Variants in SOX5 observed in about 807,000 individuals in gnomAD.
SOX5 encodes SRY-box transcription factor 5.
Under a neutral mutation model 92.0 loss-of-function variants are expected in SOX5, and 9 were observed. The observed-to-expected ratio is 0.10, with a 90% CI of 0.06 to 0.17. SOX5 has a LOEUF of 0.17. SOX5 is among the 10% of genes least tolerant of loss of function. SOX5 has a pLI of 1.00. For synonymous variants in SOX5, 344 were observed against 336.3 expected (o/e 1.02, Z -0.25); for missense variants, 642 against 944.5 (o/e 0.68, Z 4.20).
At chr12:23,735,286 AT>A (rs200399825) in intron 5 of SOX5, among the ~76,000 whole-genome samples, 5 of 151,140 alleles carry the variant, frequency 3.3e-5, no homozygotes, top group South Asian at 2.1e-4. Context: ...TTCTGTTTCC[AT>A]TTTTTTTTAC....
chr12:23,590,429 C>A (rs368724183), intron 9 of SOX5, among the ~76,000 whole-genome samples: 5 of 152,068 alleles, frequency 3.3e-5, no homozygotes, highest in Admixed American at 3.3e-4. Flanking sequence ...TAAAATCCAA[C>A]CTTTTATTCA....
At chr12:24,122,134 C>G (rs1359201050) in intron 4 of SOX5, among the ~76,000 whole-genome samples, 2 of 152,010 alleles carry the variant, frequency 1.3e-5, no homozygotes, top group African/African-American at 4.8e-5. Flanking sequence ...ATTCTTGCAC[C>G]CAGATCAACT....
chr12:24,119,805 C>T (rs1365946236), intron 4 of SOX5, among the ~76,000 whole-genome samples: 1 of 152,076 alleles, frequency 6.6e-6, no homozygotes, highest in East Asian at 1.9e-4. Flanking sequence ...AAAGCATTAC[C>T]AGCACCCCAA....
chr12:24,155,902 C>T (rs962761272), intron 4 of SOX5, among the ~76,000 whole-genome samples: 1 of 152,056 alleles, frequency 6.6e-6, no homozygotes, highest in African/African-American at 2.4e-5. Context: ...CAGGAGGTGA[C>T]AGTAGATATA....
intron 4 of SOX5, among the ~76,000 whole-genome samples, chr12:23,977,807 T>C (rs1305288007): frequency 6.6e-6 from 1 of 152,026 alleles, no homozygotes; most frequent in African/African-American, 2.4e-5. Flanking sequence ...TCTTGAACCA[T>C]AACCCCGTTT....
At chr12:23,592,106 T>C (rs1951651900) in intron 9 of SOX5, among the ~76,000 whole-genome samples, 1 of 152,200 alleles carries the variant, frequency 6.6e-6, no homozygotes, top group South Asian at 2.1e-4. Flanking sequence ...GCAACTGGCC[T>C]TGCAAAGCAC....
intron 1 of SOX5, among the ~76,000 whole-genome samples, chr12:24,403,272 C>T (rs916795071): frequency 6.6e-6 from 1 of 152,158 alleles, no homozygotes; most frequent in African/African-American, 2.4e-5. Context: ...ACCTCTTTGG[C>T]CACTCTCCCT....
intron 8 of SOX5, among the ~76,000 whole-genome samples, chr12:23,626,114 GAGAC>G (rs1480714547): frequency 6.6e-6 from 1 of 152,024 alleles, no homozygotes; most frequent in East Asian, 1.9e-4. Flanking sequence ...GAAAAAGAAA[GAGAC>G]AGAGAAACGG....
At chr12:24,111,357 T>C (rs1947328166) in intron 4 of SOX5, among the ~76,000 whole-genome samples, 1 of 152,198 alleles carries the variant, frequency 6.6e-6, no homozygotes, top group Non-Finnish European at 1.5e-5. Flanking sequence ...CAATGCATCC[T>C]GTGAGTATCA....
chr12:23,884,116 G>A (rs2097032433), intron 2 of SOX5, among the ~76,000 whole-genome samples: 1 of 152,146 alleles, frequency 6.6e-6, no homozygotes, highest in African/African-American at 2.4e-5. Flanking sequence ...CAATTACTGA[G>A]TACCTGCATA....
At chr12:24,369,784 C>A (rs1265368513) in intron 1 of SOX5, among the ~76,000 whole-genome samples, 2 of 152,206 alleles carry the variant, frequency 1.3e-5, no homozygotes, top group African/African-American at 4.8e-5. Flanking sequence ...AGAGAACTGG[C>A]TTCCTCTAAT....
At chr12:24,138,601 G>T (rs1219188102) in intron 4 of SOX5, among the ~76,000 whole-genome samples, 2 of 152,098 alleles carry the variant, frequency 1.3e-5, no homozygotes, top group South Asian at 2.1e-4. Context: ...GTTGGTGGGG[G>T]ATGGGTATGG....
intron 3 of SOX5, among the ~76,000 whole-genome samples, chr12:24,242,511 C>T (rs866331387): frequency 6.6e-6 from 1 of 152,164 alleles, no homozygotes; most frequent in Non-Finnish European, 1.5e-5. Flanking sequence ...ATAAAAGATT[C>T]ATTTTCAACT....
chr12:24,285,770 T>C (rs1945794980), intron 2 of SOX5, among the ~76,000 whole-genome samples: 1 of 152,226 alleles, frequency 6.6e-6, no homozygotes, highest in Non-Finnish European at 1.5e-5. Flanking sequence ...AAATGACTGA[T>C]GTTCAATGGC....
intron 4 of SOX5, among the ~76,000 whole-genome samples, chr12:24,080,778 C>A (rs982089004): frequency 3.4e-4 from 52 of 151,908 alleles, no homozygotes; most frequent in African/African-American, 1.2e-3. Context: ...AGAGTGAGCA[C>A]AAATATTTGA....
Position 23,940,976 on chromosome 12 carries a change from A to T in SOX5, c.38+8588T>A, listed in dbSNP as rs113548437. Among the ~76,000 whole-genome samples, 1,124 of 151,580 alleles carry T rather than the reference A, an allele frequency of 7.4e-3. 6 individuals are homozygous for T. The highest frequency in any genetic ancestry group is 0.017 in the South Asian group (81 of 4,818). On this transcript the variant is annotated intron_variant, in intron 1 of 14. Coordinates refer to ENST00000451604, the MANE Select transcript of SOX5 (RefSeq NM_006940.6). ...TTTTTTCAAGATGGAATACTATTAT[A>T]TGTTCCTGTAGCACATGCCACAGGA...
At chr12:24,400,848 T>A (rs1596307550) in intron 1 of SOX5, among the ~76,000 whole-genome samples, 1 of 152,150 alleles carries the variant, frequency 6.6e-6, no homozygotes, top group Non-Finnish European at 1.5e-5. Context: ...GTTAACAAAG[T>A]CTAATAGGCA....
rs575315262 is a variant in SOX5 at position 23,879,359 on chromosome 12, G to A, written c.270+16434C>T. ...AAAAAACTAGAAAAGAAATTAACAG[G>A]AAGAAAAAGGAGGAAAATACTAATT... On this transcript the variant is annotated intron_variant, in intron 2 of 14. Coordinates refer to ENST00000451604, the MANE Select transcript of SOX5 (RefSeq NM_006940.6). Among the ~76,000 whole-genome samples the A allele has an allele frequency of 2.6e-5, 4 of 152,066 alleles. 1 individual carries two copies. In the South Asian group the frequency reaches 8.3e-4, roughly 32 times the overall value.
At chr12:24,058,517 G>A (rs1939035788) in intron 4 of SOX5, among the ~76,000 whole-genome samples, 1 of 152,078 alleles carries the variant, frequency 6.6e-6, no homozygotes, top group South Asian at 2.1e-4. Flanking sequence ...AATACAACAG[G>A]ACACAGTAAA....
Sources: gnomAD v4.1 joint callset for allele counts (sites outside exome capture counted in the v4.1 genomes callset) on GRCh38, gnomAD v4.1.1 for gene constraint, MANE v1.5 for transcripts, NCBI Gene and HGNC (gene_info 2026-07-23, HGNC 2026-07-21) for gene names.